Variants in TENM3 observed in about 807,000 individuals in gnomAD.
TENM3 encodes teneurin-3.
TENM3 carries 63 observed loss-of-function variants against 255.1 expected under a neutral mutation model. The ratio of observed to expected loss-of-function variants is 0.25; its 90% CI spans 0.20 to 0.30. The LOEUF is 0.30. TENM3 is among the 10% of genes least tolerant of loss of function. The pLI is 1.00. For synonymous variants in TENM3, 1,306 were observed against 1,322.3 expected (o/e 0.99, Z 0.27); for missense variants, 2,929 against 3,461.1 (o/e 0.85, Z 3.86).
chr4:181,487,779 C>A, the TENM3 span, among the ~76,000 whole-genome samples: 1 of 152,020 alleles, frequency 6.6e-6, no homozygotes, highest in Non-Finnish European at 1.5e-5. Flanking sequence ...TCTGGGTGGT[C>A]CTGCCGCATT....
chr4:182,512,621 A>G (rs1560852952), intron 3 of TENM3, among the ~76,000 whole-genome samples: 1 of 152,212 alleles, frequency 6.6e-6, no homozygotes, highest in Admixed American at 6.5e-5. Flanking sequence ...TACCTTGAAT[A>G]TATGAACGAA....
the TENM3 span, among the ~76,000 whole-genome samples, chr4:181,614,420 G>C: frequency 6.6e-6 from 1 of 152,160 alleles, no homozygotes; most frequent in Non-Finnish European, 1.5e-5. Context: ...CCAACCAAAT[G>C]TATTTACAAT....
the TENM3 span, among the ~76,000 whole-genome samples, chr4:182,006,050 T>A: frequency 6.6e-6 from 1 of 152,104 alleles, no homozygotes; most frequent in African/African-American, 2.4e-5. Context: ...TATTTGAATA[T>A]CCTTTATTTC....
At chr4:181,975,942 T>C in the TENM3 span, 1 of 152,220 alleles carries the variant, frequency 6.6e-6, no homozygotes, top group Non-Finnish European at 1.5e-5. Flanking sequence ...GTTGGTTTCT[T>C]CTGACGGCTA....
At chr4:182,650,889 A>AAAATATATATATATATATATAT (rs1281790163) in intron 5 of TENM3, among the ~76,000 whole-genome samples, 7 of 29,742 alleles carry the variant, frequency 2.4e-4, no homozygotes, top group Admixed American at 3.6e-4. Flanking sequence ...AATAAAAAAA[A>AAAATATATATATATATATATAT]ATATATATAT....
At chr4:182,118,357 T>C in the TENM3 span, among the ~76,000 whole-genome samples, 1 of 152,216 alleles carries the variant, frequency 6.6e-6, no homozygotes, top group African/African-American at 2.4e-5. Context: ...CCTGGCTTTG[T>C]TCCTGATCTT....
the TENM3 span, among the ~76,000 whole-genome samples, chr4:181,835,280 C>T: frequency 6.6e-6 from 1 of 152,172 alleles, no homozygotes; most frequent in Non-Finnish European, 1.5e-5. Context: ...CATGGTCAAC[C>T]TATGGTTACA....
At chr4:181,905,605 TA>T in the TENM3 span, among the ~76,000 whole-genome samples, 1 of 151,976 alleles carries the variant, frequency 6.6e-6, no homozygotes, top group East Asian at 1.9e-4. Context: ...AGAAAAAAAT[TA>T]GATAGCAAAT....
the TENM3 span, among the ~76,000 whole-genome samples, chr4:181,941,509 C>A: frequency 6.6e-6 from 1 of 152,182 alleles, no homozygotes; most frequent in East Asian, 1.9e-4. Context: ...TATTTGGTTT[C>A]TTAGATCCAC....
chr4:182,034,293 T>C, the TENM3 span, among the ~76,000 whole-genome samples: 2 of 152,184 alleles, frequency 1.3e-5, no homozygotes, highest in African/African-American at 4.8e-5. Context: ...ACCATATCAA[T>C]AGGTCTCTTG....
At chr4:181,928,609 G>A in the TENM3 span, among the ~76,000 whole-genome samples, 3 of 151,744 alleles carry the variant, frequency 2.0e-5, no homozygotes, top group African/African-American at 4.8e-5. Context: ...AACACTCTTC[G>A]GGATATTATC....
intron 3 of TENM3, among the ~76,000 whole-genome samples, chr4:182,500,419 T>C (rs1174064085): frequency 6.6e-6 from 1 of 152,168 alleles, no homozygotes; most frequent in African/African-American, 2.4e-5. Context: ...TTATTAATGA[T>C]TAATGAAATT....
intron 12 of TENM3, among the ~76,000 whole-genome samples, chr4:182,712,773 G>C (rs144354239): frequency 6.6e-6 from 1 of 152,140 alleles, no homozygotes; most frequent in Non-Finnish European, 1.5e-5. Context: ...TTTTGTCACC[G>C]GAGCAATAGT....
chr4:181,449,255 C>T, the TENM3 span, among the ~76,000 whole-genome samples: 17 of 152,168 alleles, frequency 1.1e-4, no homozygotes, highest in Admixed American at 4.6e-4. Flanking sequence ...TTTCTCCTGT[C>T]ATGTAGGTCT....
intron 3 of TENM3, among the ~76,000 whole-genome samples, chr4:182,570,080 A>G (rs575070380): frequency 6.6e-6 from 1 of 152,318 alleles, no homozygotes; most frequent in Admixed American, 6.5e-5. Flanking sequence ...TCTAGCCTTG[A>G]GGCATAGAGA....
At chr4:181,476,084 C>G in the TENM3 span, among the ~76,000 whole-genome samples, 115 of 152,304 alleles carry the variant, frequency 7.6e-4, 1 homozygote, top group African/African-American at 2.6e-3. Flanking sequence ...GGTGCATTTC[C>G]TCAGAAATTA....
the TENM3 span, among the ~76,000 whole-genome samples, chr4:181,683,978 A>G: frequency 1.3e-5 from 2 of 152,192 alleles, no homozygotes; most frequent in South Asian, 4.1e-4. Context: ...CCATAAAGAA[A>G]TTAACCTAAT....
rs556465070 is a variant in TENM3, at chr4:182,471,137, A to G, written c.511+124208A>G. On this transcript the variant is annotated intron_variant, in intron 3 of 27. Transcript: ENST00000511685. ...GGAGAGGAAAATAAAGATAATCTAA[A>G]ACATGTTTAATTATCCTCAGCATAA... 4.6e-5 allele frequency among the ~76,000 whole-genome samples: 7 copies of G among 152,324 alleles called. No homozygotes were observed. In the South Asian group the frequency reaches 1.2e-3, roughly 27 times the overall value.
the TENM3 span, among the ~76,000 whole-genome samples, chr4:181,965,087 C>T: frequency 2.2e-4 from 34 of 152,166 alleles, no homozygotes; most frequent in South Asian, 6.2e-3. Flanking sequence ...AAAATATTTC[C>T]TGATACAAGT....
Sources: allele counts gnomAD v4.1 joint callset (sites outside exome capture counted in the v4.1 genomes callset), GRCh38; gene constraint gnomAD v4.1.1; transcripts MANE v1.5; gene names NCBI Gene and HGNC (gene_info 2026-07-23, HGNC 2026-07-21).